The following SPATA6 variants were observed in gnomAD, a reference collection of about 807,000 sequenced individuals.
The protein encoded by SPATA6 is spermatogenesis associated 6.
In SPATA6, 56 loss-of-function variants were observed where a neutral mutation model predicts 65.3. The ratio of observed to expected loss-of-function variants is 0.86; its 90% CI spans 0.69 to 1.07. SPATA6 has a LOEUF of 1.07. Ranked by LOEUF, SPATA6 falls within the 50% of genes least tolerant of loss-of-function variation. The probability of loss-of-function intolerance (pLI) is 0.00; values close to 1 mark genes in which losing one functional copy is unlikely to be tolerated. For missense variants in SPATA6, 590 were observed against 594.8 expected (o/e 0.99, Z 0.08); for synonymous variants, 199 against 213.2 (o/e 0.93, Z 0.58).
chr1:48,428,146 C>T (rs536479230), intron 3 of SPATA6, among the ~76,000 whole-genome samples: 3 of 152,116 alleles, frequency 2.0e-5, no homozygotes, highest in African/African-American at 7.2e-5. Context: ...ACCACTGACC[C>T]AAAGCCTTAA....
intron 12 of SPATA6, among the ~76,000 whole-genome samples, chr1:48,302,972 A>G (rs1006371973): frequency 1.3e-5 from 2 of 151,910 alleles, no homozygotes; most frequent in Non-Finnish European, 2.9e-5. Context: ...TGCTCCATAT[A>G]GTTAGTTATT....
chr1:48,309,270 C>G (rs1645140198), intron 11 of SPATA6, among the ~76,000 whole-genome samples: 1 of 152,066 alleles, frequency 6.6e-6, no homozygotes, highest in African/African-American at 2.4e-5. Flanking sequence ...TCCCACAAAT[C>G]CTTATGTGTT....
At chr1:48,451,889 C>G (rs960566434) in intron 2 of SPATA6, among the ~76,000 whole-genome samples, 3 of 152,122 alleles carry the variant, frequency 2.0e-5, no homozygotes, top group Admixed American at 1.3e-4. Context: ...CAACTACAAG[C>G]CTTTATATTT....
chr1:48,359,792 T>C, intron 9 of SPATA6, 22 bp from the exon 10 acceptor site: 1 of 1,545,504 alleles, frequency 6.5e-7, no homozygotes, highest in Non-Finnish European at 8.8e-7. Flanking sequence ...ATTATATACA[T>C]ATAGATATAC....
At chr1:48,414,502 A>G (rs1652572452) in intron 3 of SPATA6, among the ~76,000 whole-genome samples, 2 of 152,138 alleles carry the variant, frequency 1.3e-5, no homozygotes, top group Admixed American at 1.3e-4. Context: ...CTAGCCTTCT[A>G]TGTGAGAGAA....
At chr1:48,440,981 G>C (rs771310108) in intron 3 of SPATA6, among the ~76,000 whole-genome samples, 28 of 152,204 alleles carry the variant, frequency 1.8e-4, no homozygotes, top group Non-Finnish European at 3.8e-4. Flanking sequence ...AGAGAGGACA[G>C]AAAATGGAGC....
intron 5 of SPATA6, among the ~76,000 whole-genome samples, chr1:48,408,877 C>A (rs1281387368): frequency 1.3e-5 from 2 of 152,186 alleles, no homozygotes; most frequent in African/African-American, 4.8e-5. Flanking sequence ...TCATCTCCCA[C>A]CAGGTCCCTC....
chr1:48,405,943 T>C (rs1651661966), intron 5 of SPATA6, among the ~76,000 whole-genome samples: 3 of 152,134 alleles, frequency 2.0e-5, no homozygotes, highest in Admixed American at 2.0e-4. Context: ...CAACTTCAGC[T>C]TGAAATCCAG....
At chr1:48,360,643 C>A (rs1646785720) in intron 9 of SPATA6, among the ~76,000 whole-genome samples, 2 of 152,146 alleles carry the variant, frequency 1.3e-5, no homozygotes, top group Non-Finnish European at 2.9e-5. Context: ...AGAAATTAAT[C>A]TTTTATTCTG....
chr1:48,289,268 C>T, the SPATA6 span, among the ~76,000 whole-genome samples: 1 of 152,228 alleles, frequency 6.6e-6, no homozygotes, highest in African/African-American at 2.4e-5. Flanking sequence ...CTCCAACAGA[C>T]CTGCAGCTGA....
chr1:48,365,297 C>T (rs1260412450), intron 9 of SPATA6, among the ~76,000 whole-genome samples: 6 of 152,008 alleles, frequency 3.9e-5, no homozygotes, highest in Non-Finnish European at 8.8e-5. Context: ...TTTTTGGTTC[C>T]ATATGAACTT....
chr1:48,308,017 T>C (rs1403718086), intron 11 of SPATA6, among the ~76,000 whole-genome samples: 2 of 151,988 alleles, frequency 1.3e-5, no homozygotes, highest in Non-Finnish European at 2.9e-5. Context: ...TATAGTATAA[T>C]CACGATTTTT....
intron 3 of SPATA6, among the ~76,000 whole-genome samples, chr1:48,414,160 A>T (rs896118485): frequency 5.3e-5 from 8 of 152,204 alleles, no homozygotes; most frequent in Admixed American, 3.3e-4. Flanking sequence ...GACAAGTGTG[A>T]GAGATTAAAA....
chr1:48,279,085 T>C, the SPATA6 span, among the ~76,000 whole-genome samples: 9 of 152,020 alleles, frequency 5.9e-5, no homozygotes, highest in Admixed American at 2.6e-4. Context: ...CAAACTAAGC[T>C]TCATAAGTGA....
intron 11 of SPATA6, among the ~76,000 whole-genome samples, chr1:48,332,494 A>G (rs575554909): frequency 8.5e-4 from 129 of 152,344 alleles, no homozygotes; most frequent in African/African-American, 3.1e-3. Flanking sequence ...AAAGAAGGGC[A>G]TTACATATTG....
At chr1:48,276,762 A>G in the SPATA6 span, among the ~76,000 whole-genome samples, 1 of 152,192 alleles carries the variant, frequency 6.6e-6, no homozygotes, top group Admixed American at 6.5e-5. Flanking sequence ...TATGTGGTCA[A>G]TTTTAGAATG....
chr1:48,291,528 C>A (rs535429911), downstream of SPATA6, among the ~76,000 whole-genome samples: 1 of 152,264 alleles, frequency 6.6e-6, no homozygotes, highest in Admixed American at 6.5e-5. Flanking sequence ...CAGCCACAGG[C>A]CTCAACCAGC....
the SPATA6 span, among the ~76,000 whole-genome samples, chr1:48,283,881 C>G: frequency 8.6e-5 from 13 of 151,976 alleles, no homozygotes; most frequent in South Asian, 2.7e-3. Flanking sequence ...TGATTTCAAC[C>G]ACGGTGAATC....
intron 8 of SPATA6, among the ~76,000 whole-genome samples, chr1:48,391,001 T>A (rs749297222): frequency 3.9e-5 from 6 of 151,954 alleles, no homozygotes; most frequent in Non-Finnish European, 7.4e-5. Flanking sequence ...TAAGAATAAA[T>A]CACAGTCCAA....
Sources: gnomAD v4.1 joint callset for allele counts (sites outside exome capture counted in the v4.1 genomes callset) on GRCh38, gnomAD v4.1.1 for gene constraint, MANE v1.5 for transcripts, NCBI Gene and HGNC (gene_info 2026-07-23, HGNC 2026-07-21) for gene names.